The following DMRT1 variants were observed in gnomAD, a reference collection of about 807,000 sequenced individuals.
DMRT1 encodes doublesex and mab-3 related transcription factor 1, also known as doublesex- and mab-3-related transcription factor 1.
Under a neutral mutation model 32.3 loss-of-function variants are expected in DMRT1, and 7 were observed. The ratio of observed to expected loss-of-function variants is 0.22; its 90% confidence interval spans 0.12 to 0.41. DMRT1 has a LOEUF of 0.41. Ranked by LOEUF, DMRT1 falls within the 10% of genes least tolerant of loss-of-function variation. The pLI, the probability that DMRT1 is intolerant of heterozygous loss-of-function variation, is 1.00. For synonymous variants in DMRT1, 278 were observed against 206.1 expected, an observed-to-expected ratio of 1.35 and a Z score of -2.99; for missense variants, 625 against 500.5, an observed-to-expected ratio of 1.25 and a Z score of -2.37.
chr9:910,362 GT>G (rs1817929740), intron 3 of DMRT1, among the ~76,000 whole-genome samples: 1 of 151,248 alleles, frequency 6.6e-6, no homozygotes, highest in Non-Finnish European at 1.5e-5. Flanking sequence ...ATCAACTCCA[GT>G]TTTATGCAGC....
At chr9:906,360 A>G (rs1011774065) in intron 3 of DMRT1, among the ~76,000 whole-genome samples, 13 of 152,176 alleles carry the variant, frequency 8.5e-5, no homozygotes, top group African/African-American at 3.1e-4. Context: ...CACCCTTCAC[A>G]CTGCTGATTT....
rs1817854197 is a variant in DMRT1, at chr9:908,395, C to A, written c.823-8368C>A. Among the ~76,000 whole-genome samples, 2 of 152,182 alleles carry A rather than the reference C, an allele frequency of 1.3e-5. 1 individual carries two copies. Among genetic ancestry groups the A allele is most frequent in the South Asian group, 4.1e-4 (2 of 4,824 alleles). On this transcript the variant is annotated intron_variant, in intron 3 of 4. Transcript: ENST00000382276. ...ATCACTTGAGCCCACGAGATTGAGGCTGCAGTGAGCTGCGATCACACCACT... is the reference window on the plus strand; with the variant it reads ...ATCACTTGAGCCCACGAGATTGAGGATGCAGTGAGCTGCGATCACACCACT...
chr9:865,917 A>G (rs1815961470), intron 2 of DMRT1, among the ~76,000 whole-genome samples: 1 of 152,208 alleles, frequency 6.6e-6, no homozygotes. Context: ...TAATCCCAGC[A>G]CTTTGGGAGG....
rs1266791468 is a variant in DMRT1, at chr9:965,486, T to C, written c.968-2499T>C. ...CGCAAGAGCACTTTCCAAGAAAATA[T>C]TCATAAGGCAAGTTAGAGCAAAAGG... On this transcript the variant is annotated intron_variant, in intron 4 of 4. Coordinates refer to ENST00000382276, the MANE Select transcript of DMRT1 (RefSeq NM_021951.3). This position sits in a 1 kb window ranked among gnomAD's most constrained non-coding sequence, Gnocchi z 4.5. 1.3e-5 allele frequency among the ~76,000 whole-genome samples: 2 copies of C among 152,198 alleles called. No homozygotes were observed. The highest frequency in any genetic ancestry group is 4.8e-5 in the African/African-American group (2 of 41,448).
chr9:874,801 CTTTTTTTTTTTTTT>C (rs71327354), intron 2 of DMRT1, among the ~76,000 whole-genome samples: 3 of 76,926 alleles, frequency 3.9e-5, no homozygotes, highest in African/African-American at 5.9e-5. Flanking sequence ...ACAAGTTAAT[CTTTTTTTTTTTTTT>C]TTTTTTTTTT....
intron 4 of DMRT1, among the ~76,000 whole-genome samples, chr9:929,550 G>C (rs1586630922): frequency 6.6e-6 from 1 of 151,772 alleles, no homozygotes; most frequent in Non-Finnish European, 1.5e-5. Context: ...TTCTCCTTCT[G>C]CTTGGGTGAT....
chr9:946,479 T>G (rs2129933890), intron 4 of DMRT1, among the ~76,000 whole-genome samples: 1 of 152,182 alleles, frequency 6.6e-6, no homozygotes, highest in East Asian at 1.9e-4. Context: ...CCACCGTGGC[T>G]CTCTCCTCCC....
chr9:880,593 G>A (rs748732396), intron 2 of DMRT1, among the ~76,000 whole-genome samples: 3 of 151,910 alleles, frequency 2.0e-5, no homozygotes, highest in Admixed American at 6.6e-5. Context: ...GGGCATGGTG[G>A]CGCATGCCTG....
chr9:865,719 CAG>C, intron 2 of DMRT1, among the ~76,000 whole-genome samples: 1 of 152,320 alleles, frequency 6.6e-6, no homozygotes, highest in Non-Finnish European at 1.5e-5. Flanking sequence ...CCAGGAATCT[CAG>C]AGACACATCT....
At chr9:939,468 G>A (rs901948924) in intron 4 of DMRT1, among the ~76,000 whole-genome samples, 1 of 152,128 alleles carries the variant, frequency 6.6e-6, no homozygotes, top group Non-Finnish European at 1.5e-5. Flanking sequence ...ATTTACCGTG[G>A]CCAGTCTTGT....
At chr9:876,305 T>C (rs2132620137) in intron 2 of DMRT1, among the ~76,000 whole-genome samples, 1 of 152,174 alleles carries the variant, frequency 6.6e-6, no homozygotes. Flanking sequence ...GTCAGGGGCT[T>C]TGGGCCAGTG....
At chr9:943,016 TGAAGTATACAG>T (rs1819127268) in intron 4 of DMRT1, among the ~76,000 whole-genome samples, 1 of 151,670 alleles carries the variant, frequency 6.6e-6, no homozygotes, top group Non-Finnish European at 1.5e-5. Context: ...TGCTGCTTAG[TGAAGTATACAG>T]GATATCTGTG....
chr9:958,325 G>T (rs1819663854), intron 4 of DMRT1, among the ~76,000 whole-genome samples: 1 of 152,172 alleles, frequency 6.6e-6, no homozygotes, highest in Admixed American at 6.5e-5. Context: ...TTGAGAAATG[G>T]CTTGGGAACT....
chr9:849,260 T>G (rs1455514068), intron 2 of DMRT1, among the ~76,000 whole-genome samples: 1 of 152,194 alleles, frequency 6.6e-6, no homozygotes, highest in African/African-American at 2.4e-5. Context: ...GTTGCCATGT[T>G]TCCTTGGAAA....
chr9:856,269 G>T (rs770117918), intron 2 of DMRT1, among the ~76,000 whole-genome samples: 1 of 152,152 alleles, frequency 6.6e-6, no homozygotes, highest in Non-Finnish European at 1.5e-5. Flanking sequence ...AACGACTTAA[G>T]ATGTAATTCA....
chr9:860,577 A>G (rs1815615297), intron 2 of DMRT1, among the ~76,000 whole-genome samples: 1 of 152,204 alleles, frequency 6.6e-6, no homozygotes, highest in Non-Finnish European at 1.5e-5. Context: ...TATATCTCTC[A>G]CATGGACCTT....
At position 901,622 on chromosome 9, in the gene DMRT1, C is replaced by T. The variant is rs553945834; in HGVS notation, c.822+7427C>T. On this transcript the variant is annotated intron_variant, in intron 3 of 4. Transcript: ENST00000382276. ...GATTATAGGCGGGAGCCACCGCGCC[C>T]GGCTGCCTGACCAATTTTTAAGACA... Among the ~76,000 whole-genome samples the T allele has an allele frequency of 4.5e-4, 68 of 151,282 alleles. 1 individual carries two copies. The highest frequency in any genetic ancestry group is 1.3e-3 in the African/African-American group (53 of 41,296).
chr9:919,142 C>G (rs1374848688), intron 4 of DMRT1, among the ~76,000 whole-genome samples: 2 of 152,146 alleles, frequency 1.3e-5, no homozygotes, highest in Non-Finnish European at 2.9e-5. Context: ...TCCGTCAAGT[C>G]TAAGTTCCTT....
chr9:870,415 T>TAACA (rs377610626), intron 2 of DMRT1, among the ~76,000 whole-genome samples: 1,891 of 151,636 alleles, frequency 0.012, 42 homozygotes, highest in African/African-American at 0.044. Flanking sequence ...ACAACAACAA[T>TAACA]AACAACAACA....
Sources: gnomAD v4.1 joint callset for allele counts (sites outside exome capture counted in the v4.1 genomes callset) on GRCh38, gnomAD v4.1.1 for gene constraint, Gnocchi (gnomAD v3.1) non-coding constraint, MANE v1.5 for transcripts, NCBI Gene and HGNC (gene_info 2026-07-23, HGNC 2026-07-21) for gene names.